Variants in ARPP21 observed in about 807,000 individuals in gnomAD.
ARPP21 encodes the protein cAMP-regulated phosphoprotein 21.
In ARPP21, 69 loss-of-function variants were observed where a neutral mutation model predicts 113.2. That is an observed-to-expected ratio of 0.61 (90% CI 0.50 to 0.74). The LOEUF (loss-of-function observed/expected upper bound fraction) is 0.74. Ranked by LOEUF, ARPP21 falls within the 30% of genes least tolerant of loss-of-function variation. The pLI, the probability that ARPP21 is intolerant of heterozygous loss-of-function variation, is 0.00. For synonymous variants in ARPP21, 368 were observed against 375.5 expected (o/e 0.98, Z 0.23); for missense variants, 1,070 against 1,037.4 (o/e 1.03, Z -0.43).
intron 19 of ARPP21, among the ~76,000 whole-genome samples, chr3:35,760,669 A>G (rs78275531): frequency 0.052 from 7,873 of 152,144 alleles, 644 homozygotes; most frequent in African/African-American, 0.18. Context: ...ACCAAACTGA[A>G]ACTTTAAAGA....
intron 15 of ARPP21, among the ~76,000 whole-genome samples, chr3:35,731,659 G>A (rs1007153603): frequency 2.6e-5 from 4 of 152,034 alleles, no homozygotes; most frequent in African/African-American, 7.3e-5. Context: ...GTATATGTAT[G>A]TGTGTGATGT....
In ARPP21 at chr3:35,711,637, T is replaced by A. The variant is rs2150089098; in HGVS notation, c.897+2567T>A. On this transcript the variant is annotated intron_variant, in intron 11 of 20. Transcript: ENST00000684406. The stretch of plus-strand genomic sequence containing the variant: ...TCAGAGTCTTACATGAGGTTGCAGT[T>A]AAGCTGTCAACTGGGGCTGCAGTCA... Among the ~76,000 whole-genome samples, 3 of 152,336 alleles carry A rather than the reference T, an allele frequency of 2.0e-5. No individual in the cohort carries two copies. The East Asian group carries it at 5.8e-4, about 29-fold the overall frequency.
chr3:35,784,147 C>A (rs1425267246), intron 19 of ARPP21, among the ~76,000 whole-genome samples: 1 of 152,122 alleles, frequency 6.6e-6, no homozygotes, highest in African/African-American at 2.4e-5. Flanking sequence ...CTTTTATGGT[C>A]ATTTTTATAC....
intron 19 of ARPP21, among the ~76,000 whole-genome samples, chr3:35,764,977 A>G (rs887434000): frequency 7.2e-5 from 11 of 152,124 alleles, no homozygotes; most frequent in Admixed American, 3.3e-4. Flanking sequence ...TTAAATGTGA[A>G]GTTATAACAT....
chr3:35,721,824 G>C lies in ARPP21; in HGVS notation c.1215G>C (p.Leu405=). Residue 405 remains leucine (L), a synonymous_variant, in exon 14 of 21, where the codon CTG becomes CTC. Transcript: ENST00000684406. ...STSSTRSTGK[L]SKAGSESSSS... ...CCAGTACTAGGAGTACCGGGAAGCT[G>C]TCCAAAGCAGGTAGTTAGTACTGAA... is the stretch of plus-strand genomic sequence containing the variant. 6.2e-7 allele frequency: 1 copy of C among 1,603,114 alleles called. No homozygotes were observed. The highest frequency in any genetic ancestry group is 8.5e-7 in the Non-Finnish European group (1 of 1,173,688).
At chr3:35,752,807 C>T (rs2095445035) in intron 19 of ARPP21, among the ~76,000 whole-genome samples, 1 of 151,968 alleles carries the variant, frequency 6.6e-6, no homozygotes, top group Non-Finnish European at 1.5e-5. Context: ...AGGGAGAGGA[C>T]CTACCCAAAT....
At chr3:35,743,219 A>C (rs1323351039) in intron 18 of ARPP21, among the ~76,000 whole-genome samples, 1 of 152,234 alleles carries the variant, frequency 6.6e-6, no homozygotes, top group African/African-American at 2.4e-5. Context: ...TTAGAAAAGC[A>C]ATTCAAGTTA....
At chr3:35,709,098 A>C (rs950812998) in intron 11 of ARPP21, 28 bp downstream of exon 11, 1 of 1,493,402 alleles carries the variant, frequency 6.7e-7, no homozygotes, top group Non-Finnish European at 9.3e-7. Flanking sequence ...TTGCCTCTTT[A>C]GTGCGCTCCT....
chr3:35,668,003 AAGAAGAAG>A (rs2075205552), intron 1 of ARPP21, among the ~76,000 whole-genome samples: 1 of 149,796 alleles, frequency 6.7e-6, no homozygotes, highest in African/African-American at 2.5e-5. Context: ...GAAGAAGAAG[AAGAAGAAG>A]AAGAAGAAGA....
chr3:35,690,109 C>G lies in ARPP21; in HGVS notation c.514C>G (p.Gln172Glu), dbSNP rs748940071. Reference protein sequence around the residue: ...RDRMILLKMEQEIIDFIADNN... With the variant: ...RDRMILLKMEEEIIDFIADNN... ...CAGGATGATACTTTTGAAAATGGAGCAGGAAATTATTGATTTCATTGCTGA... is the reference window on the plus strand; with the variant it reads ...CAGGATGATACTTTTGAAAATGGAGGAGGAAATTATTGATTTCATTGCTGA... The change falls in exon 8 of 21, where the codon CAG (glutamine) becomes GAG (glutamate). Residue 172 changes from glutamine (Q) to glutamate (E), a missense_variant. Gln to Glu is a conservative substitution (Grantham distance 29). Transcript: ENST00000684406. 2.0e-6 allele frequency: 3 copies of G among 1,497,438 alleles called. No individual in the cohort carries two copies. Among genetic ancestry groups the G allele is most frequent in the Non-Finnish European group, 2.8e-6 (3 of 1,075,632 alleles). The allele number at this position is 1,497,438 out of a possible 1,614,324, so 92.8% of individuals were successfully genotyped here.
intron 19 of ARPP21, among the ~76,000 whole-genome samples, chr3:35,773,388 A>G (rs1165649121): frequency 2.0e-5 from 3 of 152,142 alleles, no homozygotes; most frequent in Non-Finnish European, 1.5e-5. Flanking sequence ...CTGCCGTAGG[A>G]TATACAAGGA....
At chr3:35,723,701 A>C (rs1289699236) in intron 14 of ARPP21, among the ~76,000 whole-genome samples, 1 of 152,200 alleles carries the variant, frequency 6.6e-6, no homozygotes, top group Non-Finnish European at 1.5e-5. Context: ...ACCCCCAATC[A>C]CTTCCAAAGC....
intron 11 of ARPP21, 31 bp downstream of exon 11, chr3:35,709,101 G>A (rs765880354): frequency 1.3e-4 from 185 of 1,478,836 alleles, no homozygotes; most frequent in Non-Finnish European, 1.3e-4. Context: ...CCTCTTTAGT[G>A]CGCTCCTTCC....
chr3:35,659,815 T>C lies in ARPP21; in HGVS notation c.-213+19417T>C, dbSNP rs114502122. On this transcript the variant is annotated intron_variant, in intron 1 of 20. Transcript: ENST00000684406. ...TTAGAGAATAAAGGTGGCTGGTGTG[T>C]TGTTCTGACTGATGGAGGGGCTTCC... Among the ~76,000 whole-genome samples, 1,319 of 152,306 alleles carry C rather than the reference T, an allele frequency of 8.7e-3. 18 individuals are homozygous for C. Among genetic ancestry groups the C allele is most frequent in the African/African-American group, 0.03 (1,258 of 41,572 alleles).
intron 9 of ARPP21, among the ~76,000 whole-genome samples, chr3:35,691,312 A>T (rs1029771764): frequency 6.6e-6 from 1 of 151,728 alleles, no homozygotes; most frequent in Non-Finnish European, 1.5e-5. Flanking sequence ...TTTTGTCAAA[A>T]TATAACTTAA....
intron 1 of ARPP21, chr3:35,641,139 G>A (rs541088917): frequency 2.6e-5 from 4 of 152,256 alleles, no homozygotes; most frequent in South Asian, 2.1e-4. Context: ...TAAAAGGCTG[G>A]TAGAAATCAT....
chr3:35,767,680 T>C (rs1576819628), intron 19 of ARPP21, among the ~76,000 whole-genome samples: 1 of 152,204 alleles, frequency 6.6e-6, no homozygotes. Context: ...GACTTATATG[T>C]CCTATCATGA....
At chr3:35,735,090 G>A (rs763726882) in intron 15 of ARPP21, among the ~76,000 whole-genome samples, 8 of 152,050 alleles carry the variant, frequency 5.3e-5, no homozygotes, top group Admixed American at 1.3e-4. Context: ...CTCTGGGTCA[G>A]TTTTTAAATT....
At chr3:35,661,925 A>T (rs145787839) in intron 1 of ARPP21, among the ~76,000 whole-genome samples, 1,835 of 152,258 alleles carry the variant, frequency 0.012, 18 homozygotes, top group Middle Eastern at 0.044. Context: ...TAATCATAGT[A>T]TCTTGAATGC....
Sources: allele counts gnomAD v4.1 joint callset (sites outside exome capture counted in the v4.1 genomes callset), GRCh38; gene constraint gnomAD v4.1.1; transcripts MANE v1.5; gene names NCBI Gene and HGNC (gene_info 2026-07-23, HGNC 2026-07-21).